Variants in FAM135B observed in about 807,000 individuals in gnomAD.
FAM135B encodes the protein family with sequence similarity 135 member B.
FAM135B carries 43 observed loss-of-function variants against 127.7 expected under a neutral mutation model. The ratio of observed to expected loss-of-function variants is 0.34; its 90% CI spans 0.26 to 0.43. FAM135B has a LOEUF of 0.43. Among genes scored for constraint, FAM135B ranks in the 20% least tolerant of loss-of-function variants. The pLI is 1.00. For missense variants in FAM135B, 1,558 were observed against 1,725.6 expected (o/e 0.90, Z 1.72); for synonymous variants, 670 against 665.1 (o/e 1.01, Z -0.11).
Position 138,407,353 on chromosome 8 carries a change from A to G in FAM135B, c.-19-39351T>C, listed in dbSNP as rs973460670. ...CTGCCCAAGGTAATTTATAGGTTCA[A>G]TGCCATCCCCATCAAGCTACCAATG... On this transcript the variant is annotated intron_variant, in intron 1 of 19. Coordinates refer to ENST00000395297, the MANE Select transcript of FAM135B (RefSeq NM_015912.4). Among the ~76,000 whole-genome samples the G allele has an allele frequency of 5.4e-3, 825 of 152,314 alleles. 5 individuals are homozygous for G. The highest frequency in any genetic ancestry group is 0.019 in the African/African-American group (772 of 41,568).
intron 11 of FAM135B, among the ~76,000 whole-genome samples, chr8:138,170,310 C>T (rs1270870442): frequency 6.6e-6 from 1 of 151,122 alleles, no homozygotes; most frequent in Non-Finnish European, 1.5e-5. Flanking sequence ...GCAACCTCCA[C>T]CTCCTGGGTT....
chr8:138,433,440 T>C (rs1339183409), intron 1 of FAM135B, among the ~76,000 whole-genome samples: 1 of 151,702 alleles, frequency 6.6e-6, no homozygotes, highest in Admixed American at 6.6e-5. Flanking sequence ...AGAGGATCAA[T>C]TGAACCCGGA....
At chr8:138,247,235 G>C (rs796499958) in intron 6 of FAM135B, among the ~76,000 whole-genome samples, 17 of 152,292 alleles carry the variant, frequency 1.1e-4, no homozygotes, top group African/African-American at 4.1e-4. Context: ...AAACGCAAGG[G>C]CATGAGATTT....
intron 7 of FAM135B, among the ~76,000 whole-genome samples, chr8:138,236,728 G>A (rs1820304393): frequency 6.6e-6 from 1 of 152,216 alleles, no homozygotes; most frequent in Non-Finnish European, 1.5e-5. Flanking sequence ...TAAAGTAGAT[G>A]TTCAAAAATG....
chr8:138,323,873 G>A (rs907013767), intron 2 of FAM135B, among the ~76,000 whole-genome samples: 1 of 152,184 alleles, frequency 6.6e-6, no homozygotes, highest in Non-Finnish European at 1.5e-5. Context: ...GGACTTTTGT[G>A]TAGAAGTAAA....
At chr8:138,161,995 A>C (rs974201774) in intron 12 of FAM135B, among the ~76,000 whole-genome samples, 3 of 152,230 alleles carry the variant, frequency 2.0e-5, no homozygotes, top group Non-Finnish European at 1.5e-5. Flanking sequence ...CAACAAAACA[A>C]ATAATAATAA....
At chr8:138,184,235 G>A (rs750053424) in intron 9 of FAM135B, among the ~76,000 whole-genome samples, 1 of 152,192 alleles carries the variant, frequency 6.6e-6, no homozygotes, top group African/African-American at 2.4e-5. Context: ...GAAATACAAG[G>A]TGTGCAGGAG....
intron 3 of FAM135B, among the ~76,000 whole-genome samples, chr8:138,284,602 C>G (rs1299166782): frequency 6.6e-6 from 1 of 151,868 alleles, no homozygotes; most frequent in Non-Finnish European, 1.5e-5. Flanking sequence ...CCAGCCCCTC[C>G]CTGTCACAAG....
intron 2 of FAM135B, among the ~76,000 whole-genome samples, chr8:138,356,116 A>G (rs1038650433): frequency 6.6e-6 from 1 of 152,176 alleles, no homozygotes; most frequent in East Asian, 1.9e-4. Context: ...AAATGCTGGT[A>G]TCTTGATCTT....
chr8:138,186,929 G>A (rs544340647), intron 9 of FAM135B, among the ~76,000 whole-genome samples: 7 of 152,330 alleles, frequency 4.6e-5, no homozygotes, highest in South Asian at 2.1e-4. Context: ...TTGGTGATTC[G>A]TGGACTTTAA....
At chr8:138,220,620 T>A (rs1818956353) in intron 7 of FAM135B, among the ~76,000 whole-genome samples, 1 of 152,112 alleles carries the variant, frequency 6.6e-6, no homozygotes, top group Admixed American at 6.6e-5. Flanking sequence ...AAGTGCTTGG[T>A]AAGTATTGAT....
At position 138,476,295 on chromosome 8, in the gene FAM135B, T is replaced by C. The variant is rs115960796; in HGVS notation, c.-20+20376A>G. Among the ~76,000 whole-genome samples the C allele has an allele frequency of 8.8e-3, 1,344 of 152,266 alleles. 17 individuals carry two copies. The highest frequency in any genetic ancestry group is 0.031 in the African/African-American group (1,289 of 41,542). ...ATACTACAATTGTGGAAACATATCA[T>C]TAAACATTTATCAAAACCAACAGAA... On this transcript the variant is annotated intron_variant, in intron 1 of 19. Transcript: ENST00000395297.
intron 3 of FAM135B, among the ~76,000 whole-genome samples, chr8:138,284,871 A>G (rs528173549): frequency 6.6e-6 from 1 of 152,038 alleles, no homozygotes; most frequent in South Asian, 2.1e-4. Flanking sequence ...GGCCTCTGTA[A>G]AGGGAGGTTT....
At chr8:138,400,981 A>C (rs1164476155) in intron 1 of FAM135B, among the ~76,000 whole-genome samples, 3 of 152,254 alleles carry the variant, frequency 2.0e-5, no homozygotes, top group African/African-American at 7.2e-5. Flanking sequence ...TGTGCACTTA[A>C]GAAACAACTT....
intron 3 of FAM135B, among the ~76,000 whole-genome samples, chr8:138,271,657 C>A (rs757267682): frequency 6.6e-6 from 1 of 152,142 alleles, no homozygotes; most frequent in African/African-American, 2.4e-5. Flanking sequence ...TTGCATTAGT[C>A]AGAATGCCTT....
intron 1 of FAM135B, among the ~76,000 whole-genome samples, chr8:138,455,269 T>C (rs771510802): frequency 2.0e-5 from 3 of 152,212 alleles, no homozygotes; most frequent in African/African-American, 4.8e-5. Context: ...TCTTTCATCA[T>C]GGATAGGAGA....
intron 1 of FAM135B, among the ~76,000 whole-genome samples, chr8:138,408,330 C>T (rs1030852278): frequency 3.3e-5 from 5 of 152,184 alleles, no homozygotes; most frequent in African/African-American, 1.2e-4. Context: ...TAACTGATAA[C>T]TTGCTGCAGC....
At position 138,250,905 on chromosome 8, in the gene FAM135B, G is replaced by A. The variant is rs1413223602; in HGVS notation, c.478C>T (p.His160Tyr). 6.2e-7 allele frequency: 1 copy of A among 1,613,790 alleles called. No homozygotes were observed. Among genetic ancestry groups the A allele is most frequent in the African/African-American group, 1.3e-5 (1 of 74,822 alleles). ...ACGGTCACCGAGATCACAGACAGGTGGAAATAGTCGAACATGACCGGGACC... is the reference window on the plus strand; with the variant it reads ...ACGGTCACCGAGATCACAGACAGGTAGAAATAGTCGAACATGACCGGGACC... ...HQVPVMFDYF[H>Y]LSVISVTVHA... Residue 160 changes from histidine to tyrosine, a missense_variant, in exon 6 of 20, where the codon CAC (histidine) becomes TAC (tyrosine). Around this residue, in one of 5 missense-constraint regions of FAM135B, gnomAD observed 199 missense variants for 245.7 expected, o/e 0.81. Coordinates refer to ENST00000395297, the MANE Select transcript of FAM135B (RefSeq NM_015912.4).
At chr8:138,315,388 A>G (rs1400585809) in intron 2 of FAM135B, among the ~76,000 whole-genome samples, 3 of 152,196 alleles carry the variant, frequency 2.0e-5, no homozygotes, top group African/African-American at 4.8e-5. Flanking sequence ...AAATTGGTAT[A>G]GCCATTATGA....
Sources: allele counts gnomAD v4.1 joint callset (sites outside exome capture counted in the v4.1 genomes callset), GRCh38; gene constraint gnomAD v4.1.1; regional missense constraint gnomAD v4.1.1; transcripts MANE v1.5; gene names NCBI Gene and HGNC (gene_info 2026-07-23, HGNC 2026-07-21).